ARK2C: variants seen among roughly 807,000 people sequenced by gnomAD.
ARK2C encodes arkadia (RNF111) C-terminal like ring finger ubiquitin ligase 2C.
At chr18:46,345,735 T>G in the ARK2C span, among the ~76,000 whole-genome samples, 1 of 152,188 alleles carries the variant, frequency 6.6e-6, no homozygotes, top group Non-Finnish European at 1.5e-5. Flanking sequence ...ATTTGCAAAT[T>G]TTACATAAAC....
At chr18:46,363,086 C>A in the ARK2C span, among the ~76,000 whole-genome samples, 3 of 152,292 alleles carry the variant, frequency 2.0e-5, no homozygotes, top group Non-Finnish European at 4.4e-5. Flanking sequence ...ACTGCTATAT[C>A]CCCATTGTCT....
the ARK2C span, among the ~76,000 whole-genome samples, chr18:46,365,929 AT>A: frequency 6.6e-6 from 1 of 152,178 alleles, no homozygotes; most frequent in African/African-American, 2.4e-5. Context: ...GGAAGTTCAA[AT>A]CCTGAGAAGG....
the ARK2C span, among the ~76,000 whole-genome samples, chr18:46,425,235 T>C: frequency 6.6e-6 from 1 of 152,110 alleles, no homozygotes; most frequent in African/African-American, 2.4e-5. Flanking sequence ...CAGAGAAGCC[T>C]GGGAGGGTTT....
the ARK2C span, among the ~76,000 whole-genome samples, chr18:46,446,151 T>C: frequency 2.0e-5 from 3 of 152,348 alleles, no homozygotes; most frequent in African/African-American, 7.2e-5. Context: ...TGTCTGGTTG[T>C]TGCTTCTTTT....
At chr18:46,439,416 T>A in the ARK2C span, among the ~76,000 whole-genome samples, 2 of 152,176 alleles carry the variant, frequency 1.3e-5, no homozygotes, top group African/African-American at 4.8e-5. Flanking sequence ...CCTCCTGCCA[T>A]CTCGCTCCTG....
the ARK2C span, among the ~76,000 whole-genome samples, chr18:46,350,432 A>G: frequency 6.6e-6 from 1 of 152,134 alleles, no homozygotes; most frequent in African/African-American, 2.4e-5. Context: ...CTGGGATGGA[A>G]GCGTGAGGTC....
the ARK2C span, among the ~76,000 whole-genome samples, chr18:46,380,665 G>C: frequency 6.6e-6 from 1 of 152,282 alleles, no homozygotes; most frequent in Non-Finnish European, 1.5e-5. Flanking sequence ...GCAGGGAGCA[G>C]GGACTTCTGA....
chr18:46,423,704 A>G, the ARK2C span, among the ~76,000 whole-genome samples: 14 of 152,218 alleles, frequency 9.2e-5, no homozygotes, highest in Non-Finnish European at 1.9e-4. Context: ...TGACTACTCT[A>G]GAGCCCTCAG....
chr18:46,422,131 G>T, the ARK2C span, among the ~76,000 whole-genome samples: 2 of 152,200 alleles, frequency 1.3e-5, no homozygotes, highest in Non-Finnish European at 2.9e-5. Context: ...GGCCTTTGAA[G>T]CTGGGTTCTG....
At chr18:46,425,739 C>A in the ARK2C span, among the ~76,000 whole-genome samples, 1 of 152,190 alleles carries the variant, frequency 6.6e-6, no homozygotes, top group Non-Finnish European at 1.5e-5. Flanking sequence ...CCCAGTGTGT[C>A]CTCTTGGTGT....
At chr18:46,435,446 G>A in the ARK2C span, 28 of 1,400,106 alleles carry the variant, frequency 2.0e-5, 1 homozygote, top group South Asian at 4.6e-5. Flanking sequence ...GAGGGAGGAG[G>A]GAGGTCTTGC....
the ARK2C span, among the ~76,000 whole-genome samples, chr18:46,383,765 A>G: frequency 1.3e-5 from 2 of 152,098 alleles, no homozygotes; most frequent in Non-Finnish European, 1.5e-5. Context: ...CGTGTTGGCC[A>G]GGATGGTCTT....
chr18:46,422,839 C>T, the ARK2C span, among the ~76,000 whole-genome samples: 1 of 152,222 alleles, frequency 6.6e-6, no homozygotes, highest in Non-Finnish European at 1.5e-5. Flanking sequence ...TGATAAGGAA[C>T]TTTGGGAGAC....
the ARK2C span, among the ~76,000 whole-genome samples, chr18:46,430,649 TTC>T: frequency 1.3e-5 from 2 of 152,174 alleles, no homozygotes; most frequent in African/African-American, 4.8e-5. Flanking sequence ...CATTCCCCAT[TTC>T]TCTGTCTTCT....
the ARK2C span, among the ~76,000 whole-genome samples, chr18:46,369,666 TC>T: frequency 6.6e-6 from 1 of 152,156 alleles, no homozygotes; most frequent in Non-Finnish European, 1.5e-5. Context: ...TTCTAGCCTA[TC>T]TCATTTAGTT....
the ARK2C span, among the ~76,000 whole-genome samples, chr18:46,376,666 T>G: frequency 8.5e-6 from 1 of 117,758 alleles, no homozygotes; most frequent in African/African-American, 3.4e-5. Flanking sequence ...TTAATAATCT[T>G]TTTTTTTTTT....
chr18:46,340,792 G>A, the ARK2C span, among the ~76,000 whole-genome samples: 4 of 152,248 alleles, frequency 2.6e-5, no homozygotes. Context: ...GTGCTAGACA[G>A]TTGCCCCTTC....
chr18:46,446,260 T>A, the ARK2C span, among the ~76,000 whole-genome samples: 12 of 152,214 alleles, frequency 7.9e-5, no homozygotes, highest in African/African-American at 2.9e-4. Context: ...AATCATCCCT[T>A]ATTCATTTAT....
the ARK2C span, among the ~76,000 whole-genome samples, chr18:46,425,051 A>C: frequency 1.3e-5 from 2 of 151,920 alleles, no homozygotes; most frequent in African/African-American, 4.8e-5. Context: ...TTGGAGAGGG[A>C]GTCTCGGGCC....
Sources: allele counts gnomAD v4.1 joint callset (sites outside exome capture counted in the v4.1 genomes callset), GRCh38; gene constraint gnomAD v4.1.1; transcripts MANE v1.5; gene names NCBI Gene and HGNC (gene_info 2026-07-23, HGNC 2026-07-21).